Variants in KIF15 observed in about 807,000 individuals in gnomAD.
KIF15 encodes the protein kinesin family member 15.
In KIF15, 140 loss-of-function variants were observed where a neutral mutation model predicts 190.6. The ratio of observed to expected loss-of-function variants is 0.73; its 90% CI spans 0.64 to 0.84. The LOEUF (loss-of-function observed/expected upper bound fraction) is 0.84, where lower values mean the gene tolerates loss of function less well. KIF15 is among the 40% of genes least tolerant of loss of function. KIF15 has a pLI of 0.00. For missense variants in KIF15, 1,372 were observed against 1,584.4 expected (o/e 0.87, Z 2.28); for synonymous variants, 528 against 551.3 (o/e 0.96, Z 0.59).
intron 20 of KIF15, among the ~76,000 whole-genome samples, chr3:44,819,788 C>T (rs1484638737): frequency 6.6e-6 from 1 of 152,140 alleles, no homozygotes; most frequent in Non-Finnish European, 1.5e-5. Context: ...GAGTTCAAGT[C>T]CTGGATACCC....
At chr3:44,836,239 C>A (rs1698313833) in intron 26 of KIF15, among the ~76,000 whole-genome samples, 1 of 151,950 alleles carries the variant, frequency 6.6e-6, no homozygotes, top group South Asian at 2.1e-4. Flanking sequence ...ACCTGTAATC[C>A]CAACTACTCA....
At chr3:44,768,890 C>G (rs1031712731) in intron 1 of KIF15, among the ~76,000 whole-genome samples, 4 of 152,040 alleles carry the variant, frequency 2.6e-5, no homozygotes, top group African/African-American at 7.3e-5. Flanking sequence ...AAACATGTAT[C>G]AAAACAAAAC....
downstream of KIF15, among the ~76,000 whole-genome samples, chr3:44,857,553 C>T (rs918767382): frequency 1.3e-5 from 2 of 152,284 alleles, no homozygotes; most frequent in South Asian, 4.1e-4. Context: ...AGAGCTAGTG[C>T]AGGAGCAGTC....
At chr3:44,865,079 G>T (rs1699306469) in intron 6 of KIF15, 2 of 1,614,020 alleles carry the variant, frequency 1.2e-6, no homozygotes, top group Admixed American at 1.7e-5. Context: ...GTGCCAGGAG[G>T]TCTTGTGGTG....
At chr3:44,810,509 C>T (rs1184088822) in intron 16 of KIF15, among the ~76,000 whole-genome samples, 1 of 152,110 alleles carries the variant, frequency 6.6e-6, no homozygotes, top group Non-Finnish European at 1.5e-5. Context: ...TCCTCCCCTT[C>T]TCAGCCTCCC....
chr3:44,795,304 A>G (rs1706922629), intron 8 of KIF15, among the ~76,000 whole-genome samples: 1 of 152,162 alleles, frequency 6.6e-6, no homozygotes, highest in Non-Finnish European at 1.5e-5. Flanking sequence ...GGGCATCTCA[A>G]GGGTTATTGT....
At chr3:44,830,775 T>C in intron 25 of KIF15, 121 bp from the exon 26 acceptor site, 6 of 933,160 alleles carry the variant, frequency 6.4e-6, no homozygotes, top group Non-Finnish European at 9.4e-6. Context: ...AGTCAGCAAG[T>C]ATTTATTGAA....
chr3:44,853,410 A>T (rs1422922648), downstream of KIF15: 1 of 152,194 alleles, frequency 6.6e-6, no homozygotes, highest in African/African-American at 2.4e-5. Context: ...TATTGAGACA[A>T]ATATTCCATT....
At chr3:44,836,520 A>G (rs1698330788) in intron 26 of KIF15, among the ~76,000 whole-genome samples, 1 of 152,194 alleles carries the variant, frequency 6.6e-6, no homozygotes, top group African/African-American at 2.4e-5. Context: ...ACAGATGGGG[A>G]AAATATTTGC....
intron 5 of KIF15, among the ~76,000 whole-genome samples, chr3:44,782,433 C>A (rs1034609712): frequency 2.6e-5 from 4 of 152,046 alleles, no homozygotes; most frequent in Admixed American, 2.6e-4. Context: ...GAGGTTATAA[C>A]AACAACAACA....
At chr3:44,765,477 G>A (rs540045942) in intron 1 of KIF15, among the ~76,000 whole-genome samples, 1 of 152,260 alleles carries the variant, frequency 6.6e-6, no homozygotes, top group East Asian at 1.9e-4. Flanking sequence ...CTTTGGATAT[G>A]CCCACCTTTA....
At position 44,797,612 on chromosome 3, in the gene KIF15, A is replaced by T. The variant is rs773384115; in HGVS notation, c.911A>T (p.Asp304Val). The T allele has an allele frequency of 1.2e-6, 2 of 1,614,172 alleles. No homozygotes were observed. The highest frequency in any genetic ancestry group is 1.7e-6 in the Non-Finnish European group (2 of 1,180,006). ...GGCCAAGTGATTACAGCACTTGTCG[A>T]CGTGGGTAATGGAAAACAGAGACAT... ...CLGQVITALVDVGNGKQRHVC... is the reference protein window; with the variant it reads ...CLGQVITALVVVGNGKQRHVC... The change falls in exon 9 of 35, where the codon GAC (aspartate) becomes GTC (valine). Residue 304 changes from aspartate (D) to valine (V), a missense_variant. Coordinates refer to ENST00000326047, the MANE Select transcript of KIF15 (RefSeq NM_020242.3).
Position 44,800,352 on chromosome 3 carries a change from G to T in KIF15, c.1137G>T (p.Gln379His). The T allele has an allele frequency of 6.2e-7, 1 of 1,614,174 alleles. No homozygotes were observed. Among genetic ancestry groups the T allele is most frequent in the Non-Finnish European group, 8.5e-7 (1 of 1,179,998 alleles). ...AAGACACCCAAGGAAATGTGAGCCAGCTCCAAGCTGAAGTGAAGAGGCTCA... is the reference window on the plus strand; with the variant it reads ...AAGACACCCAAGGAAATGTGAGCCATCTCCAAGCTGAAGTGAAGAGGCTCA... ...VNEDTQGNVS[Q>H]LQAEVKRLKE... The change falls in exon 11 of 35, where the codon CAG becomes CAT. Residue 379 changes from glutamine to histidine, a missense_variant. Coordinates refer to ENST00000326047, the MANE Select transcript of KIF15 (RefSeq NM_020242.3).
At chr3:44,828,987 A>G (rs1382418201) in intron 24 of KIF15, among the ~76,000 whole-genome samples, 1 of 151,922 alleles carries the variant, frequency 6.6e-6, no homozygotes, top group African/African-American at 2.4e-5. Context: ...CAGTGAGCCA[A>G]GATCACACCA....
At position 44,830,980 on chromosome 3, in the gene KIF15, GA is replaced by G; in HGVS notation, c.3136del (p.Thr1046ProfsTer4). On this transcript the variant is annotated frameshift_variant, in exon 26 of 35. Coordinates refer to ENST00000326047, the MANE Select transcript of KIF15 (RefSeq NM_020242.3). LOFTEE classifies it high-confidence loss of function. Reference sequence around the variant, plus strand: ...GGAAGTGGATATTCTGGATCTGAAAGAAACCCTTAGGCTGAGAATACTTTCT... The same window carrying G: ...GGAAGTGGATATTCTGGATCTGAAAGAACCCTTAGGCTGAGAATACTTTCT... ...KQEVDILDLKETLRLRILSED... is the reference protein window; with the variant it reads ...KQEVDILDLKXTLRLRILSED... 1 of 1,614,066 alleles carries G rather than the reference GA, an allele frequency of 6.2e-7. No homozygotes were observed. Among genetic ancestry groups the G allele is most frequent in the Non-Finnish European group, 8.5e-7 (1 of 1,179,980 alleles).
intron 7 of KIF15, among the ~76,000 whole-genome samples, chr3:44,790,761 C>T (rs1055672673): frequency 6.3e-5 from 9 of 143,480 alleles, no homozygotes; most frequent in Admixed American, 2.9e-4. Flanking sequence ...GGCATGATCT[C>T]GGCTCACTGC....
chr3:44,770,364 T>C (rs1199803255), intron 1 of KIF15, among the ~76,000 whole-genome samples: 1 of 152,212 alleles, frequency 6.6e-6, no homozygotes, highest in Non-Finnish European at 1.5e-5. Flanking sequence ...GAATCTCAGA[T>C]AGGACTTTCT....
At chr3:44,764,820 AG>A (rs1705313621) in intron 1 of KIF15, among the ~76,000 whole-genome samples, 2 of 152,132 alleles carry the variant, frequency 1.3e-5, no homozygotes, top group Non-Finnish European at 2.9e-5. Flanking sequence ...TATTTTTAGT[AG>A]AGGCAGGGTT....
chr3:44,843,510 AT>A (rs1001114435), intron 30 of KIF15, among the ~76,000 whole-genome samples: 17 of 152,260 alleles, frequency 1.1e-4, no homozygotes, highest in African/African-American at 3.6e-4. Context: ...ATTTAAAAAA[AT>A]TTTTTTAAGG....
Sources: allele counts gnomAD v4.1 joint callset (sites outside exome capture counted in the v4.1 genomes callset), GRCh38; gene constraint gnomAD v4.1.1; transcripts MANE v1.5; gene names NCBI Gene and HGNC (gene_info 2026-07-23, HGNC 2026-07-21).